The following DNAH17 variants were observed in gnomAD, a reference collection of about 807,000 sequenced individuals.
DNAH17 encodes the protein axonemal beta dynein heavy chain 17.
DNAH17 carries 376 observed loss-of-function variants against 485.6 expected under a neutral mutation model. The ratio of observed to expected loss-of-function variants is 0.77; its 90% CI spans 0.71 to 0.84. The LOEUF (loss-of-function observed/expected upper bound fraction) is 0.84. Ranked by LOEUF, DNAH17 falls within the 40% of genes least tolerant of loss-of-function variation. The pLI is 0.00. For synonymous variants in DNAH17, 3,031 were observed against 2,405.9 expected (o/e 1.26, Z -7.60); for missense variants, 6,370 against 5,839.3 (o/e 1.09, Z -2.96).
chr17:78,550,644 C>G (rs1349501335), intron 16 of DNAH17, among the ~76,000 whole-genome samples: 1 of 152,170 alleles, frequency 6.6e-6, no homozygotes, highest in African/African-American at 2.4e-5. Flanking sequence ...CTGCCGACAC[C>G]TTAACCTTGG....
At chr17:78,472,238 T>G (rs374811983) in intron 54 of DNAH17, among the ~76,000 whole-genome samples, 3 of 106,876 alleles carry the variant, frequency 2.8e-5, no homozygotes, top group South Asian at 2.9e-4. Context: ...ATTAGGGTTA[T>G]GGAGTAGGGG....
At position 78,445,689 on chromosome 17, in the gene DNAH17, A is replaced by T. The variant is rs1057395698; in HGVS notation, c.11212-9T>A. On this transcript the variant is annotated splice_polypyrimidine_tract_variant and intron_variant, in intron 69 of 80. Coordinates refer to ENST00000389840, the MANE Select transcript of DNAH17 (RefSeq NM_173628.4). Reference sequence around the variant, plus strand: ...TTCTTCATGGACAGGACCTGGGGGAACATCGAGGTGTACACACTTAACGCA... The same window carrying T: ...TTCTTCATGGACAGGACCTGGGGGATCATCGAGGTGTACACACTTAACGCA... 1 of 1,589,932 alleles carries T rather than the reference A, an allele frequency of 6.3e-7. No homozygotes were observed. The highest frequency in any genetic ancestry group is 1.3e-5 in the African/African-American group (1 of 74,552).
chr17:78,446,900 T>A (rs1381989938), intron 69 of DNAH17, among the ~76,000 whole-genome samples: 1 of 152,192 alleles, frequency 6.6e-6, no homozygotes, highest in Admixed American at 6.5e-5. Flanking sequence ...CACCTTGGCC[T>A]CCCAACGTAC....
rs535467700 is a variant in DNAH17, at chr17:78,426,490, C to T, written c.12882G>A (p.Ala4294=). 1.7e-4 allele frequency: 280 copies of T among 1,612,338 alleles called. No individual in the cohort carries two copies. The South Asian group carries it at 2.1e-3, about 12-fold the overall frequency. ...GGAGCAGCAGGTCTGCGTACCAGGC[C>T]GCCAGGCCCATCATGGAGGGGTAGG... ...ARAYPSMMGL[A]AWYADLLLRI... The change falls in exon 79 of 81, where the codon GCG becomes GCA. Residue 4294 remains alanine, a synonymous_variant. Coordinates refer to ENST00000389840, the MANE Select transcript of DNAH17 (RefSeq NM_173628.4).
rs1568112658 is a variant in DNAH17, at chr17:78,475,703, T to C, written c.8285A>G (p.Asp2762Gly). Reference protein sequence around the residue: ...PLNKLLVDVLDSYNEVNAVMN... With the variant: ...PLNKLLVDVLGSYNEVNAVMN... The stretch of plus-strand genomic sequence containing the variant: ...GACTGCATTAACTTCATTGTAGCTG[T>C]CCAGGACGTCCACGAGGAGCTTGTT... The change falls in exon 53 of 81, where the codon GAC (aspartate) becomes GGC (glycine). Residue 2762 changes from aspartate (D) to glycine (G), a missense_variant. Coordinates refer to ENST00000389840, the MANE Select transcript of DNAH17 (RefSeq NM_173628.4). 2 of 1,613,824 alleles carry C rather than the reference T, an allele frequency of 1.2e-6. No homozygotes were observed. Among genetic ancestry groups the C allele is most frequent in the African/African-American group, 1.3e-5 (1 of 75,000 alleles).
rs768801994 is a variant in DNAH17 at position 78,558,102 on chromosome 17, A to G, written c.2178+6T>C. 10 of 1,611,710 alleles carry G rather than the reference A, an allele frequency of 6.2e-6. No homozygotes were observed. Among genetic ancestry groups the G allele is most frequent in the South Asian group, 5.5e-5 (5 of 90,640 alleles). On this transcript the variant is annotated splice_donor_region_variant and intron_variant, in intron 14 of 80. Coordinates refer to ENST00000389840, the MANE Select transcript of DNAH17 (RefSeq NM_173628.4). ...CATCAGGAATAGTACCGACTCACCAACTCACCTCATTATACCAGCCAACGA... is the reference window on the plus strand; with the variant it reads ...CATCAGGAATAGTACCGACTCACCAGCTCACCTCATTATACCAGCCAACGA...
intron 68 of DNAH17, 47 bp downstream of exon 68, chr17:78,450,207 G>A: frequency 1.2e-6 from 2 of 1,607,008 alleles, no homozygotes; most frequent in Non-Finnish European, 1.7e-6. Flanking sequence ...GAGCCCAGAT[G>A]CAGCCCCACC....
chr17:78,476,550 G>C (rs1051584074), intron 52 of DNAH17, 22 bp downstream of exon 52: 1 of 1,599,856 alleles, frequency 6.3e-7, no homozygotes, highest in Non-Finnish European at 8.5e-7. Context: ...GCTCGGCAGA[G>C]GGACTGGGCA....
At chr17:78,449,951 C>A in intron 68 of DNAH17, 1 of 479,280 alleles carries the variant, frequency 2.1e-6, no homozygotes, top group Non-Finnish European at 3.8e-6. Flanking sequence ...GCTGAGATGA[C>A]AGGCATGAGC....
chr17:78,474,453 T>G (rs544969645), intron 54 of DNAH17, among the ~76,000 whole-genome samples: 3 of 152,354 alleles, frequency 2.0e-5, no homozygotes, highest in East Asian at 3.9e-4. Context: ...AGACCTTATG[T>G]TTAGTCTAAT....
chr17:78,494,442 G>A, intron 40 of DNAH17, 151 bp downstream of exon 40: 5 of 997,468 alleles, frequency 5.0e-6, no homozygotes, highest in East Asian at 2.6e-5. Flanking sequence ...GGCTGGCCAG[G>A]GCCACGGAGG....
chr17:78,441,028 C>T, intron 72 of DNAH17, 23 bp downstream of exon 72: 5 of 1,558,870 alleles, frequency 3.2e-6, no homozygotes, highest in South Asian at 1.2e-5. Flanking sequence ...TCTTTGAGAA[C>T]ATCACTTGCC....
chr17:78,463,865 C>T (rs1258957042), intron 56 of DNAH17, among the ~76,000 whole-genome samples: 2 of 150,746 alleles, frequency 1.3e-5, no homozygotes, highest in Non-Finnish European at 2.9e-5. Flanking sequence ...ACAGACATTT[C>T]AGGGTATATA....
intron 51 of DNAH17, chr17:78,478,800 T>G (rs1568119942): frequency 1.2e-5 from 6 of 517,384 alleles, no homozygotes; most frequent in Non-Finnish European, 1.7e-5. Context: ...TAACCATCAC[T>G]ACCACCATCA....
At chr17:78,438,897 G>A (rs2086959808) in intron 73 of DNAH17, among the ~76,000 whole-genome samples, 193 bp downstream of exon 73, 1 of 152,148 alleles carries the variant, frequency 6.6e-6, no homozygotes, top group Non-Finnish European at 1.5e-5. Flanking sequence ...GGCAGTCATG[G>A]CGTGCCACAC....
At chr17:78,550,114 T>TGTGGGGAGGC (rs1193107071) in intron 16 of DNAH17, among the ~76,000 whole-genome samples, 5 of 151,256 alleles carry the variant, frequency 3.3e-5, no homozygotes, top group East Asian at 1.9e-4. Flanking sequence ...GACAGGGAGG[T>TGTGGGGAGGC]GTGGGGAGGC....
In DNAH17 at chr17:78,485,611, C is replaced by G. The variant is rs11872051; in HGVS notation, c.7422G>C (p.Thr2474=). ...GCACAGCCTGCACCAGGTAGTTGTC[C>G]GTGTTCAGGCTTTCCAGCTTGTCCC... ...LMGDKLESLN[T]DNYLVQAVPF... Residue 2474 remains threonine (T), a synonymous_variant, in exon 47 of 81, where the codon ACG becomes ACC. Transcript: ENST00000389840. The G allele has an allele frequency of 0.66, 1,070,237 of 1,613,232 alleles. 356,357 individuals carry two copies. The highest frequency in any genetic ancestry group is 0.75 in the Admixed American group (44,712 of 59,934).
chr17:78,497,958 C>G (rs2090132871), intron 37 of DNAH17, among the ~76,000 whole-genome samples: 1 of 152,054 alleles, frequency 6.6e-6, no homozygotes, highest in Non-Finnish European at 1.5e-5. Context: ...ACCTGACCAA[C>G]ACGGAGAAAC....
chr17:78,428,059 C>G (rs1368917791), intron 77 of DNAH17, among the ~76,000 whole-genome samples: 1 of 150,720 alleles, frequency 6.6e-6, no homozygotes, highest in Admixed American at 6.6e-5. Flanking sequence ...CTGGCATCCC[C>G]TGAACTCTTC....
Sources: allele counts gnomAD v4.1 joint callset (sites outside exome capture counted in the v4.1 genomes callset), GRCh38; gene constraint gnomAD v4.1.1; transcripts MANE v1.5; gene names NCBI Gene and HGNC (gene_info 2026-07-23, HGNC 2026-07-21).